PPP2R2C: variants seen among roughly 807,000 people sequenced by gnomAD.
The protein encoded by PPP2R2C is protein phosphatase 2, regulatory subunit B, gamma.
A neutral mutation model predicts 45.3 loss-of-function variants in PPP2R2C; 10 were observed. That is an observed-to-expected ratio of 0.22 (90% CI 0.14 to 0.37). The LOEUF (loss-of-function observed/expected upper bound fraction) is 0.37. Among genes scored for constraint, PPP2R2C ranks in the 10% least tolerant of loss-of-function variants. The pLI is 1.00. For synonymous variants in PPP2R2C, 257 were observed against 245.4 expected (o/e 1.05, Z -0.44); for missense variants, 308 against 619.7 (o/e 0.50, Z 5.34).
chr4:6,500,692 G>A (rs1352172793), intron 2 of PPP2R2C, among the ~76,000 whole-genome samples: 1 of 152,216 alleles, frequency 6.6e-6, no homozygotes, highest in Non-Finnish European at 1.5e-5. Context: ...AAGTCCTGGG[G>A]TGCATCCGGG....
At chr4:6,409,875 G>A (rs564410466) in intron 1 of PPP2R2C, among the ~76,000 whole-genome samples, 2 of 152,260 alleles carry the variant, frequency 1.3e-5, no homozygotes, top group Admixed American at 6.5e-5. Context: ...CCTCTGCCTG[G>A]AACACCCTTC....
intron 1 of PPP2R2C, among the ~76,000 whole-genome samples, chr4:6,463,872 A>G (rs1242955998): frequency 2.0e-5 from 3 of 152,194 alleles, no homozygotes; most frequent in Admixed American, 6.5e-5. Context: ...ATTGCCTTTC[A>G]TCGCAACACA....
chr4:6,546,815 G>A (rs1251338391), intron 1 of PPP2R2C, among the ~76,000 whole-genome samples: 1 of 152,158 alleles, frequency 6.6e-6, no homozygotes, highest in Non-Finnish European at 1.5e-5. Flanking sequence ...GCCCTCTGGT[G>A]GTCCTTATGA....
At chr4:6,407,680 G>C (rs1717891831) in intron 1 of PPP2R2C, among the ~76,000 whole-genome samples, 1 of 152,204 alleles carries the variant, frequency 6.6e-6, no homozygotes, top group South Asian at 2.1e-4. Flanking sequence ...GATTACAGGT[G>C]TAAGCCACTG....
Position 6,345,421 on chromosome 4 carries a change from G to A in PPP2R2C, c.790+2425C>T, listed in dbSNP as rs1711767135. On this transcript the variant is annotated intron_variant, in intron 6 of 8. Coordinates refer to ENST00000382599, the MANE Select transcript of PPP2R2C (RefSeq NM_020416.4). This position sits in a 1 kb window ranked among gnomAD's most constrained non-coding sequence, Gnocchi z 5.3. ...TGCTACACGGCAAAGTCAAAATAAG[G>A]CCAAAGATGAAATCAAGGACGCAAC... Among the ~76,000 whole-genome samples the A allele has an allele frequency of 6.6e-6, 1 of 152,158 alleles. No homozygotes were observed.
chr4:6,370,012 T>G (rs1047122763), intron 5 of PPP2R2C, among the ~76,000 whole-genome samples: 3 of 152,174 alleles, frequency 2.0e-5, no homozygotes. Context: ...GGTTTCGGCA[T>G]CCATAGTGTC....
At chr4:6,333,455 A>G (rs1189280961) in intron 7 of PPP2R2C, 107 bp downstream of exon 7, 80 of 1,296,618 alleles carry the variant, frequency 6.2e-5, no homozygotes, top group Non-Finnish European at 8.4e-5. Context: ...CTTCACCTAC[A>G]TACCGGGCAT....
chr4:6,498,334 T>C (rs1722937634), intron 2 of PPP2R2C, among the ~76,000 whole-genome samples: 1 of 152,192 alleles, frequency 6.6e-6, no homozygotes, highest in Admixed American at 6.5e-5. Flanking sequence ...GTGGAATTAA[T>C]ATTAGGACAG....
chr4:6,545,143 G>A (rs1290598050), intron 1 of PPP2R2C, among the ~76,000 whole-genome samples: 6 of 152,142 alleles, frequency 3.9e-5, no homozygotes, highest in African/African-American at 1.4e-4. Context: ...TAATGAAAAA[G>A]TCAGGCCTAT....
intron 2 of PPP2R2C, among the ~76,000 whole-genome samples, chr4:6,533,158 C>T (rs1255076629): frequency 6.6e-6 from 1 of 152,172 alleles, no homozygotes; most frequent in Non-Finnish European, 1.5e-5. Flanking sequence ...GAAGAATTCA[C>T]AATCATCTCA....
At chr4:6,348,811 G>A in intron 5 of PPP2R2C, 1 of 703,980 alleles carries the variant, frequency 1.4e-6, no homozygotes, top group Non-Finnish European at 1.7e-6. Flanking sequence ...TTGGAATCCT[G>A]GATCAAGCTG....
chr4:6,535,151 C>A, intron 2 of PPP2R2C: 1 of 1,186,178 alleles, frequency 8.4e-7, no homozygotes, highest in South Asian at 1.4e-5. Context: ...GACCGGATCC[C>A]AGCACGGTGG....
chr4:6,500,179 C>T (rs1723004314), intron 2 of PPP2R2C, among the ~76,000 whole-genome samples: 1 of 152,200 alleles, frequency 6.6e-6, no homozygotes, highest in African/African-American at 2.4e-5. Flanking sequence ...CAGAGTCTCA[C>T]TCTTGTTGCC....
chr4:6,549,822 G>C (rs566172355), intron 1 of PPP2R2C, among the ~76,000 whole-genome samples: 1 of 152,288 alleles, frequency 6.6e-6, no homozygotes, highest in South Asian at 2.1e-4. Flanking sequence ...CCACTATTGA[G>C]CCTGCCCTGA....
chr4:6,361,418 C>G (rs932359753), intron 5 of PPP2R2C, among the ~76,000 whole-genome samples: 12 of 152,246 alleles, frequency 7.9e-5, no homozygotes, highest in African/African-American at 2.4e-4. Context: ...GAAAGTCCAG[C>G]CCCACTGCCT....
chr4:6,508,400 C>G (rs1376237399), intron 2 of PPP2R2C, among the ~76,000 whole-genome samples: 1 of 152,080 alleles, frequency 6.6e-6, no homozygotes, highest in Non-Finnish European at 1.5e-5. Flanking sequence ...GACTGGCCAA[C>G]ATGGTGAAAC....
At chr4:6,451,818 A>C (rs1005825796) in intron 1 of PPP2R2C, among the ~76,000 whole-genome samples, 12 of 152,010 alleles carry the variant, frequency 7.9e-5, no homozygotes, top group African/African-American at 2.9e-4. Context: ...TTCCTGTCTA[A>C]GTTTGAAACC....
intron 5 of PPP2R2C, 94 bp downstream of exon 5, chr4:6,372,429 C>A: frequency 7.2e-7 from 1 of 1,384,366 alleles, no homozygotes. Context: ...GCAGCCATCC[C>A]CAAACCAGCT....
At chr4:6,341,348 A>G (rs1463850903) in intron 6 of PPP2R2C, among the ~76,000 whole-genome samples, 1 of 151,840 alleles carries the variant, frequency 6.6e-6, no homozygotes, top group Non-Finnish European at 1.5e-5. Context: ...CAAAAAAAAA[A>G]AAAAAAAAAA....
Sources: allele counts gnomAD v4.1 joint callset (sites outside exome capture counted in the v4.1 genomes callset), GRCh38; gene constraint gnomAD v4.1.1; non-coding constraint Gnocchi (gnomAD v3.1); transcripts MANE v1.5; gene names NCBI Gene and HGNC (gene_info 2026-07-23, HGNC 2026-07-21).